The following DCAF1 variants were observed in gnomAD, a reference collection of about 807,000 sequenced individuals.
DCAF1 encodes DDB1 and CUL4 associated factor 1.
A neutral mutation model predicts 128.0 loss-of-function variants in DCAF1; 15 were observed. The ratio of observed to expected loss-of-function variants is 0.12; its 90% confidence interval spans 0.08 to 0.18. DCAF1 has a LOEUF of 0.18. DCAF1 is among the 10% of genes least tolerant of loss of function. The pLI is 1.00. For synonymous variants in DCAF1, 610 were observed against 603.0 expected, an observed-to-expected ratio of 1.01 and a Z score of -0.17; for missense variants, 988 against 1,649.5, an observed-to-expected ratio of 0.60 and a Z score of 6.95.
chr3:51,455,452 A>G (rs1470299015), intron 6 of DCAF1, among the ~76,000 whole-genome samples: 2 of 152,038 alleles, frequency 1.3e-5, no homozygotes, highest in Non-Finnish European at 2.9e-5. Context: ...AAAAAAATTT[A>G]AAAATTAGCC....
chr3:51,441,266 CA>C (rs1348809548), intron 8 of DCAF1, 118 bp downstream of exon 8: 2 of 1,353,906 alleles, frequency 1.5e-6, no homozygotes, highest in African/African-American at 2.9e-5. Context: ...CAGTTTCATG[CA>C]AACCCTTGTT....
intron 9 of DCAF1, among the ~76,000 whole-genome samples, chr3:51,434,591 T>C (rs959331804): frequency 9.6e-4 from 147 of 152,342 alleles, no homozygotes; most frequent in African/African-American, 3.4e-3. Context: ...AATAGCTCTA[T>C]ATCCTAGCTT....
chr3:51,471,202 T>G (rs544293497), intron 3 of DCAF1, among the ~76,000 whole-genome samples, 197 bp from the exon 4 acceptor site: 2 of 151,808 alleles, frequency 1.3e-5, no homozygotes, highest in South Asian at 4.2e-4. Flanking sequence ...TTTTTTTTTT[T>G]TTTGACAGTC....
upstream of DCAF1, among the ~76,000 whole-genome samples, chr3:51,501,093 A>G (rs1049549359): frequency 6.6e-6 from 1 of 152,190 alleles, no homozygotes. Context: ...TTGGGATTAC[A>G]GGCATGAGCC....
intron 2 of DCAF1, among the ~76,000 whole-genome samples, 188 bp downstream of exon 2, chr3:51,496,546 T>C (rs1333244645): frequency 1.3e-5 from 2 of 151,868 alleles, no homozygotes; most frequent in Non-Finnish European, 2.9e-5. Flanking sequence ...AGTTACCAAT[T>C]AGTGAATATC....
At chr3:51,426,218 T>C (rs1252239808) in intron 13 of DCAF1, among the ~76,000 whole-genome samples, 1 of 152,090 alleles carries the variant, frequency 6.6e-6, no homozygotes, top group Non-Finnish European at 1.5e-5. Context: ...GGGTTCACTT[T>C]TTTTTTTTTG....
chr3:51,439,715 G>A (rs573754156), intron 9 of DCAF1, among the ~76,000 whole-genome samples: 2 of 152,090 alleles, frequency 1.3e-5, no homozygotes, highest in South Asian at 2.1e-4. Context: ...TTTGTGGCCA[G>A]GCGTGATGGC....
At chr3:51,502,143 G>A (rs951315180), upstream of DCAF1, among the ~76,000 whole-genome samples, 14 of 152,180 alleles carry the variant, frequency 9.2e-5, no homozygotes, top group Non-Finnish European at 1.8e-4. Context: ...TTCTCCGCTG[G>A]CTGGGGTCCT....
In DCAF1 at chr3:51,433,215, G is replaced by A. The variant is rs897557675; in HGVS notation, c.1178C>T (p.Ala393Val). 1.7e-4 allele frequency: 68 copies of A among 398,402 alleles called. No homozygotes were observed. The highest frequency in any genetic ancestry group is 6.4e-4 in the South Asian group (5 of 7,842). 24.7% of individuals were successfully genotyped at this position (398,402 alleles called of 1,614,324 possible). Residue 393 changes from alanine to valine, a missense_variant, in exon 10 of 25, where the codon GCG (alanine) becomes GTG (valine). Ala to Val is a moderately conservative substitution (Grantham distance 64, BLOSUM62 0). Coordinates refer to ENST00000684031, the MANE Select transcript of DCAF1 (RefSeq NM_001387579.1). ...LHNKFATEFV[A>V]HGGVQKLLEI... The stretch of plus-strand genomic sequence containing the variant: ...CAGTAATTTCTGTACTCCACCATGC[G>A]CAACAAATTCTGTGGCAAATTTGTT...
chr3:51,448,658 G>A (rs1200375237), intron 6 of DCAF1, among the ~76,000 whole-genome samples: 1 of 152,112 alleles, frequency 6.6e-6, no homozygotes, highest in Non-Finnish European at 1.5e-5. Context: ...GTAGGACTAA[G>A]TACATTCAAA....
intron 6 of DCAF1, among the ~76,000 whole-genome samples, chr3:51,462,637 T>C (rs1377475326): frequency 6.6e-6 from 1 of 150,818 alleles, no homozygotes; most frequent in Non-Finnish European, 1.5e-5. Flanking sequence ...TCCCAGCTAC[T>C]TGGGAGGCTG....
rs41291738 is a variant in DCAF1 at position 51,429,580 on chromosome 3, C to T, written c.1468-110G>A. The T allele has an allele frequency of 4.9e-3, 3,228 of 660,170 alleles. 11 individuals carry two copies. The highest frequency in any genetic ancestry group is 6.7e-3 in the Non-Finnish European group (2,458 of 365,534). 40.9% of individuals were successfully genotyped at this position (660,170 alleles called of 1,614,324 possible). A position where few individuals can be genotyped will look rare whatever the true frequency, so the allele number is the denominator to read the frequency against. ...TAGTAAACTTTTTTTACTTTCCATA[C>T]ATATTCTGCTTATGTATCAGTAAAC... On this transcript the variant is annotated intron_variant, in intron 11 of 24. Coordinates refer to ENST00000684031, the MANE Select transcript of DCAF1 (RefSeq NM_001387579.1).
chr3:51,440,902 T>C lies in DCAF1; in HGVS notation c.1128+68A>G, dbSNP rs553858214. 9.0e-6 allele frequency: 12 copies of C among 1,333,322 alleles called. No individual in the cohort carries two copies. In the East Asian group the frequency reaches 1.8e-4, roughly 20 times the overall value. 82.6% of individuals were successfully genotyped at this position (1,333,322 alleles called of 1,614,324 possible). A position where few individuals can be genotyped will look rare whatever the true frequency, so the allele number is the denominator to read the frequency against. ...GCCTGGGCGACAGAGTGAGACTCCA[T>C]CTTAAATTTAAAAAAAAACAAAGTT... On this transcript the variant is annotated intron_variant, in intron 9 of 24. Coordinates refer to ENST00000684031, the MANE Select transcript of DCAF1 (RefSeq NM_001387579.1).
chr3:51,446,322 C>T (rs1419303382), intron 6 of DCAF1, among the ~76,000 whole-genome samples: 1 of 152,114 alleles, frequency 6.6e-6, no homozygotes, highest in Non-Finnish European at 1.5e-5. Context: ...TTCTTATAAG[C>T]TTACTTAAGG....
At chr3:51,471,102 G>A in intron 3 of DCAF1, 97 bp from the exon 4 acceptor site, 5 of 689,612 alleles carry the variant, frequency 7.3e-6, no homozygotes, top group Non-Finnish European at 7.1e-6. Flanking sequence ...GAAAATAAAA[G>A]CAAAGTTAGA....
rs1047154444 is a variant in DCAF1 at position 51,468,582 on chromosome 3, G to A, written c.188-1706C>T. ...ACAATAGAGAATGAAGACAAGATGTGAGCTGCTGCTATGTTTTTACCAAGC... is the reference window on the plus strand; with the variant it reads ...ACAATAGAGAATGAAGACAAGATGTAAGCTGCTGCTATGTTTTTACCAAGC... On this transcript the variant is annotated intron_variant, in intron 4 of 24. Coordinates refer to ENST00000684031, the MANE Select transcript of DCAF1 (RefSeq NM_001387579.1). Among the ~76,000 whole-genome samples, 57 of 152,278 alleles carry A rather than the reference G, an allele frequency of 3.7e-4. 1 individual carries two copies. Among genetic ancestry groups the A allele is most frequent in the Admixed American group, 3.2e-3 (49 of 15,276 alleles).
chr3:51,429,124 G>T (rs1435677350), intron 12 of DCAF1, 137 bp downstream of exon 12: 2 of 610,694 alleles, frequency 3.3e-6, no homozygotes, highest in Admixed American at 2.7e-5. Flanking sequence ...TTTTTCAATT[G>T]TTCTGCCTTC....
At chr3:51,449,787 C>T (rs1702186137) in intron 6 of DCAF1, among the ~76,000 whole-genome samples, 2 of 151,998 alleles carry the variant, frequency 1.3e-5, no homozygotes, top group South Asian at 4.2e-4. Flanking sequence ...ACTCACATTA[C>T]TAGCAACAGA....
At chr3:51,477,821 G>C (rs1160207202) in intron 3 of DCAF1, among the ~76,000 whole-genome samples, 1 of 152,032 alleles carries the variant, frequency 6.6e-6, no homozygotes, top group Non-Finnish European at 1.5e-5. Flanking sequence ...AATATTTGTT[G>C]AGTGGAATGA....
Sources: allele counts gnomAD v4.1 joint callset (sites outside exome capture counted in the v4.1 genomes callset), GRCh38; gene constraint gnomAD v4.1.1; transcripts MANE v1.5; gene names NCBI Gene and HGNC (gene_info 2026-07-23, HGNC 2026-07-21).